Variants in ZNF433 observed in about 807,000 individuals in gnomAD.
The protein encoded by ZNF433 is zinc finger protein 433.
ZNF433 carries 12 observed loss-of-function variants against 10.6 expected under a neutral mutation model. The ratio of observed to expected loss-of-function variants is 1.13; its 90% CI spans 0.72 to 1.83. The LOEUF is 1.83. ZNF433 is among the 40% of genes most tolerant of loss of function. The probability of loss-of-function intolerance (pLI) is 0.00; values close to 1 mark genes in which losing one functional copy is unlikely to be tolerated. For synonymous variants in ZNF433, 272 were observed against 271.3 expected (o/e 1.00, Z -0.02); for missense variants, 737 against 798.0 (o/e 0.92, Z 0.92).
At chr19:12,021,710 C>G (rs1407002787) in intron 1 of ZNF433, among the ~76,000 whole-genome samples, 1 of 152,072 alleles carries the variant, frequency 6.6e-6, no homozygotes, top group African/African-American at 2.4e-5. Flanking sequence ...GAGATAGGGA[C>G]TTAGACTGGA....
intron 1 of ZNF433, chr19:12,024,192 A>C (rs544922659): frequency 6.6e-6 from 1 of 152,342 alleles, no homozygotes; most frequent in South Asian, 2.1e-4. Flanking sequence ...GTAAACGGAG[A>C]ATGTTAACTG....
rs1481635067 is a variant in ZNF433, at chr19:12,015,763, A to G, written c.1095T>C (p.Cys365=). The G allele has an allele frequency of 1.5e-5, 24 of 1,613,762 alleles. No individual in the cohort carries two copies. The highest frequency in any genetic ancestry group is 2.0e-5 in the Non-Finnish European group (24 of 1,179,986). ...AATAAAAGGCTTTCCCACATATCTTACATTTATGAGATATCTCTCCAGTGT... is the reference window on the plus strand; with the variant it reads ...AATAAAAGGCTTTCCCACATATCTTGCATTTATGAGATATCTCTCCAGTGT... The part of the protein sequence containing the change: ...GMHTGEISHK[C]KICGKAFYSP... The change falls in exon 4 of 4, where the codon TGT becomes TGC. Residue 365 remains cysteine (C), a synonymous_variant. Transcript: ENST00000550507.
At chr19:12,032,521 T>C (rs1213609835) in intron 1 of ZNF433, among the ~76,000 whole-genome samples, 1 of 151,408 alleles carries the variant, frequency 6.6e-6, no homozygotes, top group African/African-American at 2.4e-5. Context: ...ACTCGCCCTG[T>C]AGTGCAGGCT....
At chr19:12,033,218 G>A (rs1004352347) in intron 1 of ZNF433, among the ~76,000 whole-genome samples, 1 of 152,058 alleles carries the variant, frequency 6.6e-6, no homozygotes, top group Admixed American at 6.5e-5. Context: ...CTCAGCCTCT[G>A]GAGTAGCTGG....
chr19:12,016,083 C>T lies in ZNF433; in HGVS notation c.775G>A (p.Ala259Thr). 1 of 1,614,146 alleles carries T rather than the reference C, an allele frequency of 6.2e-7. No individual in the cohort carries two copies. Among genetic ancestry groups the T allele is most frequent in the Non-Finnish European group, 8.5e-7 (1 of 1,180,020 alleles). The change falls in exon 4 of 4, where the codon GCA becomes ACA. Residue 259 changes from alanine (A) to threonine (T), a missense_variant. Transcript: ENST00000550507. ...TGAAGGCATGTGGAACTATGGAATG[C>T]TTTCCCACATTCATTACATTTATAA... Reference protein sequence around the residue: ...KPYKCNECGKAFHSSTCLHAH... With the variant: ...KPYKCNECGKTFHSSTCLHAH...
intron 1 of ZNF433, chr19:12,034,838 G>A (rs1172669190): frequency 6.6e-6 from 3 of 453,940 alleles, no homozygotes; most frequent in Non-Finnish European, 1.3e-5. Flanking sequence ...ACCTTTCCAG[G>A]CATTGATGCA....
rs527959191 is a variant in ZNF433, at chr19:12,018,430, G to A, written c.4-138C>T. On this transcript the variant is annotated intron_variant, in intron 1 of 3. Coordinates refer to ENST00000550507, the MANE Select transcript of ZNF433 (RefSeq NM_001308348.2). The stretch of plus-strand genomic sequence containing the variant: ...ATGACCATCAGACCTCATACTCTCT[G>A]TCTACACTCAGTTTCTTCCATAAAG... The A allele has an allele frequency of 3.1e-5, 30 of 967,520 alleles. No individual in the cohort carries two copies. The African/African-American group carries it at 4.9e-4, about 16-fold the overall frequency. The allele number at this position is 967,520 out of a possible 1,614,324, so 59.9% of individuals were successfully genotyped here. A position where few individuals can be genotyped will look rare whatever the true frequency, so the allele number is the denominator to read the frequency against.
Position 12,015,386 on chromosome 19 carries a change from T to C in ZNF433, c.1472A>G (p.His491Arg), listed in dbSNP as rs753942547. The C allele has an allele frequency of 3.1e-6, 5 of 1,614,192 alleles. No individual in the cohort carries two copies. The highest frequency in any genetic ancestry group is 3.3e-5 in the Admixed American group (2 of 60,024). Residue 491 changes from histidine (H) to arginine (R), a missense_variant, in exon 4 of 4, where the codon CAT (histidine) becomes CGT (arginine). By Grantham distance (29) the His-to-Arg change is conservative. Transcript: ENST00000550507. ...TCCAGTGTGAGTCCTTTCATGTCTA[T>C]GAAATAAACTGGGCAAACTGAATGT... Reference protein sequence around the residue: ...GKTFSLPSLFHRHERTHTGGK... With the variant: ...GKTFSLPSLFRRHERTHTGGK...
chr19:12,018,176 C>G lies in ZNF433; in HGVS notation c.120G>C (p.Leu40=), dbSNP rs1411855222. The change falls in exon 2 of 4, where the codon CTG becomes CTC. Residue 40 remains leucine, a synonymous_variant. Transcript: ENST00000550507. ...TGTTGTCACCCTTACCTATAGAGGCCAGGTTCCTGAAGGTTTCTTGCATCA... is the reference window on the plus strand; with the variant it reads ...TGTTGTCACCCTTACCTATAGAGGCGAGGTTCCTGAAGGTTTCTTGCATCA... The part of the protein sequence containing the change: ...RDVMQETFRN[L]ASIGKKWKPQ... 1 of 1,596,964 alleles carries G rather than the reference C, an allele frequency of 6.3e-7. No individual in the cohort carries two copies. Among genetic ancestry groups the G allele is most frequent in the African/African-American group, 1.4e-5 (1 of 73,724 alleles).
rs1975260073 is a variant in ZNF433 at position 12,035,663 on chromosome 19, T to G, written c.-124A>C. On this transcript the variant is annotated 5_prime_UTR_variant, in exon 1 of 4. Coordinates refer to ENST00000550507, the MANE Select transcript of ZNF433 (RefSeq NM_001308348.2). ...AGGCTCCCAACCTCAGCTCGCCGCC[T>G]GGAGCCGGGAACCGAGGAGAGCAGG... is the stretch of plus-strand genomic sequence containing the variant. 1.5e-6 allele frequency: 2 copies of G among 1,371,146 alleles called. No individual in the cohort carries two copies. The highest frequency in any genetic ancestry group is 1.5e-5 in the African/African-American group (1 of 67,060). 84.9% of individuals were successfully genotyped at this position (1,371,146 alleles called of 1,614,324 possible).
At chr19:12,025,523 AGAAGCTAAAGCTATTATTCAGT>A (rs1334084029) in intron 1 of ZNF433, 1 of 152,256 alleles carries the variant, frequency 6.6e-6, no homozygotes, top group Non-Finnish European at 1.5e-5. Context: ...TTACCTGGAA[AGAAGCTAAAGCTATTATTCAGT>A]GATGCCCAAC....
At chr19:12,031,945 C>A (rs370705392) in intron 1 of ZNF433, among the ~76,000 whole-genome samples, 1 of 107,542 alleles carries the variant, frequency 9.3e-6, no homozygotes. Flanking sequence ...TTCTCTTTTT[C>A]TTTTTTTTTT....
intron 1 of ZNF433, chr19:12,034,940 G>T: frequency 2.2e-6 from 1 of 454,312 alleles, no homozygotes; most frequent in Non-Finnish European, 4.4e-6. Flanking sequence ...CTGGGGTTGT[G>T]TTTTCCTCAG....
rs771245238 is a variant in ZNF433, at chr19:12,014,804, G to A, written c.*41C>T. On this transcript the variant is annotated 3_prime_UTR_variant, in exon 4 of 4. Coordinates refer to ENST00000550507, the MANE Select transcript of ZNF433 (RefSeq NM_001308348.2). Reference sequence around the variant, plus strand: ...GCCCAGGCTGGTCTTGAACTCCTGGGCTTAAGCAGTCCCCCCACCTCAGCC... The same window carrying A: ...GCCCAGGCTGGTCTTGAACTCCTGGACTTAAGCAGTCCCCCCACCTCAGCC... 12 of 1,458,960 alleles carry A rather than the reference G, an allele frequency of 8.2e-6. No homozygotes were observed. Among genetic ancestry groups the A allele is most frequent in the South Asian group, 7.0e-5 (5 of 71,308 alleles). The allele number at this position is 1,458,960 out of a possible 1,614,324, so 90.4% of individuals were successfully genotyped here. A position where few individuals can be genotyped will look rare whatever the true frequency, so the allele number is the denominator to read the frequency against.
At chr19:12,032,739 C>T (rs573779988) in intron 1 of ZNF433, among the ~76,000 whole-genome samples, 3 of 152,216 alleles carry the variant, frequency 2.0e-5, no homozygotes, top group East Asian at 1.9e-4. Flanking sequence ...CTGCCTTGGC[C>T]TCTCAAAGTG....
intron 1 of ZNF433, chr19:12,025,997 G>A (rs894463079): frequency 6.6e-6 from 1 of 152,378 alleles, no homozygotes; most frequent in African/African-American, 2.4e-5. Context: ...ATATGCAACT[G>A]AATCTAGAAT....
chr19:12,016,558 T>A lies in ZNF433; in HGVS notation c.300A>T (p.Ser100=), dbSNP rs1347156158. 8 of 1,614,082 alleles carry A rather than the reference T, an allele frequency of 5.0e-6. No homozygotes were observed. Among genetic ancestry groups the A allele is most frequent in the Non-Finnish European group, 6.8e-6 (8 of 1,180,046 alleles). The change falls in exon 4 of 4, where the codon TCA becomes TCT. Residue 100 remains serine (S), a synonymous_variant. Coordinates refer to ENST00000550507, the MANE Select transcript of ZNF433 (RefSeq NM_001308348.2). ...CTTCTCCATACACACTGCTTTCGCA[T>A]GATTTTACTCCAGTAGTTGTTTTCT... The part of the protein sequence containing the change: ...MLKKTTTGVK[S]CESSVYGEVG...
chr19:12,022,801 C>T (rs1316333264), intron 1 of ZNF433, among the ~76,000 whole-genome samples: 1 of 152,172 alleles, frequency 6.6e-6, no homozygotes, highest in Non-Finnish European at 1.5e-5. Context: ...AGAGTCCATC[C>T]CTACCCTTCT....
chr19:12,027,211 T>A, intron 1 of ZNF433: 1 of 398,958 alleles, frequency 2.5e-6, no homozygotes, highest in South Asian at 1.8e-5. Flanking sequence ...GCTCTGTGAT[T>A]TCAATGATGA....
Sources: allele counts gnomAD v4.1 joint callset (sites outside exome capture counted in the v4.1 genomes callset), GRCh38; gene constraint gnomAD v4.1.1; transcripts MANE v1.5; gene names NCBI Gene and HGNC (gene_info 2026-07-23, HGNC 2026-07-21).